The following HSD17B3 variants were observed in gnomAD, a reference collection of about 807,000 sequenced individuals.
HSD17B3 encodes the protein 17-beta-hydroxysteroid dehydrogenase type 3.
HSD17B3 carries 29 observed loss-of-function variants against 41.1 expected under a neutral mutation model. That is an observed-to-expected ratio of 0.71 (90% CI 0.53 to 0.96). The LOEUF is 0.96. HSD17B3 is among the 40% of genes least tolerant of loss of function. HSD17B3 has a pLI of 0.00. For missense variants in HSD17B3, 323 were observed against 374.6 expected, an observed-to-expected ratio of 0.86 and a Z score of 1.14; for synonymous variants, 126 against 145.6, an observed-to-expected ratio of 0.87 and a Z score of 0.97.
intron 2 of HSD17B3, among the ~76,000 whole-genome samples, chr9:96,255,320 G>T (rs113182803): frequency 2.0e-5 from 3 of 148,432 alleles, no homozygotes; most frequent in African/African-American, 5.0e-5. Flanking sequence ...GTAGCAGGGG[G>T]TGGGGCAGCA....
chr9:96,283,998 G>A (rs991126693), intron 2 of HSD17B3, among the ~76,000 whole-genome samples: 1 of 151,976 alleles, frequency 6.6e-6, no homozygotes, highest in African/African-American at 2.4e-5. Context: ...TCCAAGGCAG[G>A]TGAATCACAA....
chr9:96,295,356 C>T (rs112700651), intron 2 of HSD17B3, among the ~76,000 whole-genome samples: 5,818 of 149,512 alleles, frequency 0.039, 402 homozygotes, highest in African/African-American at 0.14. Context: ...TTGTTTCAGA[C>T]GAAGTCTCAC....
chr9:96,259,547 CCT>C (rs1399519755), intron 2 of HSD17B3, among the ~76,000 whole-genome samples: 2 of 152,076 alleles, frequency 1.3e-5, no homozygotes, highest in Non-Finnish European at 2.9e-5. Flanking sequence ...ATGGTGAAAG[CCT>C]GTCTCTACTA....
chr9:96,279,800 C>T (rs1001071627), intron 2 of HSD17B3, among the ~76,000 whole-genome samples: 7 of 151,064 alleles, frequency 4.6e-5, no homozygotes, highest in African/African-American at 1.2e-4. Flanking sequence ...GATGGAGTCT[C>T]GCTCTGTCAC....
chr9:96,259,488 C>T (rs548752348), intron 2 of HSD17B3, among the ~76,000 whole-genome samples: 11 of 152,186 alleles, frequency 7.2e-5, no homozygotes, highest in East Asian at 1.9e-4. Flanking sequence ...TTTGGGAGGC[C>T]GAGGTGGGCG....
Position 96,270,959 on chromosome 9 carries a change from G to A in HSD17B3, c.202-16016C>T, listed in dbSNP as rs574976788. 1.5e-3 allele frequency among the ~76,000 whole-genome samples: 221 copies of A among 147,488 alleles called. No homozygotes were observed. In the South Asian group the frequency reaches 0.018, roughly 12 times the overall value. On this transcript the variant is annotated intron_variant, in intron 2 of 10. Coordinates refer to ENST00000375263, the MANE Select transcript of HSD17B3 (RefSeq NM_000197.2). ...AAGATCTCTCAAATCCTCTCGGGGGGGGGGGTTAAGATTGATATTATCAAA... is the reference window on the plus strand; with the variant it reads ...AAGATCTCTCAAATCCTCTCGGGGGAGGGGGTTAAGATTGATATTATCAAA...
intron 5 of HSD17B3, 154 bp downstream of exon 5, chr9:96,251,264 A>G (rs1836891544): frequency 1.5e-6 from 1 of 651,218 alleles, no homozygotes; most frequent in East Asian, 2.7e-5. Context: ...ATCGAGTGCT[A>G]AGGTGAAGAG....
chr9:96,292,801 C>A (rs1210821464), intron 2 of HSD17B3, among the ~76,000 whole-genome samples: 1 of 152,202 alleles, frequency 6.6e-6, no homozygotes, highest in Non-Finnish European at 1.5e-5. Context: ...GAGAAACACT[C>A]CCCTGTTTAT....
chr9:96,272,403 CTCTATATATATATATATATA>C (rs1427102851), intron 2 of HSD17B3, among the ~76,000 whole-genome samples: 2 of 28,146 alleles, frequency 7.1e-5, no homozygotes, highest in Admixed American at 7.7e-4. Flanking sequence ...CTCTCTCTCT[CTCTATATATATATATATATA>C]TATATATATA....
At chr9:96,236,714 A>G (rs1836251873) in intron 10 of HSD17B3, among the ~76,000 whole-genome samples, 1 of 151,914 alleles carries the variant, frequency 6.6e-6, no homozygotes, top group South Asian at 2.1e-4. Flanking sequence ...AAAGAGGGGG[A>G]AGCCTTCAGT....
At chr9:96,288,889 A>T (rs10820242) in intron 2 of HSD17B3, among the ~76,000 whole-genome samples, 39,940 of 151,066 alleles carry the variant, frequency 0.26, 6,612 homozygotes, top group Non-Finnish European at 0.38. Flanking sequence ...ATGAGCCGAA[A>T]TTGCGCCACT....
intron 2 of HSD17B3, among the ~76,000 whole-genome samples, chr9:96,287,869 CAAA>C (rs35941200): frequency 6.9e-5 from 8 of 116,064 alleles, no homozygotes; most frequent in Admixed American, 9.4e-5. Context: ...TCATAATAGC[CAAA>C]AAAAAAAAAA....
intron 2 of HSD17B3, among the ~76,000 whole-genome samples, chr9:96,282,777 G>GT (rs1389602409): frequency 6.6e-6 from 1 of 152,136 alleles, no homozygotes; most frequent in Non-Finnish European, 1.5e-5. Flanking sequence ...AGCAGAATGT[G>GT]TTTTTGGTAA....
At chr9:96,266,090 T>C (rs1826035029) in intron 2 of HSD17B3, among the ~76,000 whole-genome samples, 1 of 152,214 alleles carries the variant, frequency 6.6e-6, no homozygotes, top group Admixed American at 6.5e-5. Flanking sequence ...TAAATGAGCA[T>C]AATTAGAGAT....
In HSD17B3 at chr9:96,251,479, T is replaced by C. The variant is rs139029268; in HGVS notation, c.392A>G (p.Asn131Ser). 4.3e-6 allele frequency: 7 copies of C among 1,613,956 alleles called. No individual in the cohort carries two copies. Among genetic ancestry groups the C allele is most frequent in the Non-Finnish European group, 5.9e-6 (7 of 1,179,934 alleles). The change falls in exon 5 of 11, where the codon AAT becomes AGT. Residue 131 changes from asparagine (N) to serine (S), a missense_variant. Coordinates refer to ENST00000375263, the MANE Select transcript of HSD17B3 (RefSeq NM_000197.2). ...GAGAAGGTTTGGAAGCATTCCGACA[T>C]TGTTGACTGGCAGAAAGAAGCAAAA... ...AGLEIGILVNNVGMLPNLLPS... is the reference protein window; with the variant it reads ...AGLEIGILVNSVGMLPNLLPS...
intron 2 of HSD17B3, among the ~76,000 whole-genome samples, chr9:96,297,341 C>CTTTTTTTT (rs71368242): frequency 1.4e-5 from 1 of 73,574 alleles, no homozygotes; most frequent in Non-Finnish European, 2.5e-5. Flanking sequence ...TTATTGATTT[C>CTTTTTTTT]TTTTTTTTTT....
chr9:96,282,446 A>C (rs886088914), intron 2 of HSD17B3, among the ~76,000 whole-genome samples: 3 of 152,234 alleles, frequency 2.0e-5, no homozygotes, highest in Non-Finnish European at 2.9e-5. Context: ...AATAGGTCAA[A>C]TATTAAGTTT....
At chr9:96,281,893 G>C (rs1417371635) in intron 2 of HSD17B3, among the ~76,000 whole-genome samples, 1 of 152,148 alleles carries the variant, frequency 6.6e-6, no homozygotes, top group African/African-American at 2.4e-5. Flanking sequence ...GTCTCCCTCT[G>C]TCTCTCTGCA....
chr9:96,235,696 T>C (rs1041040339), intron 10 of HSD17B3, 126 bp from the exon 11 acceptor site: 10 of 813,346 alleles, frequency 1.2e-5, no homozygotes, highest in South Asian at 1.0e-4. Context: ...TTTATGTAAT[T>C]GATAAAGTTT....
Sources: gnomAD v4.1 joint callset for allele counts (sites outside exome capture counted in the v4.1 genomes callset) on GRCh38, gnomAD v4.1.1 for gene constraint, MANE v1.5 for transcripts, NCBI Gene and HGNC (gene_info 2026-07-23, HGNC 2026-07-21) for gene names.